The following SNX29 variants were observed in gnomAD, a reference collection of about 807,000 sequenced individuals.
SNX29 encodes the protein sorting nexin-29.
SNX29 carries 78 observed loss-of-function variants against 102.1 expected under a neutral mutation model. The observed-to-expected ratio is 0.76, with a 90% CI of 0.64 to 0.92. The LOEUF (loss-of-function observed/expected upper bound fraction) is 0.92, where lower values mean the gene tolerates loss of function less well. Ranked by LOEUF, SNX29 falls within the 40% of genes least tolerant of loss-of-function variation. The pLI is 0.00. For synonymous variants in SNX29, 580 were observed against 414.5 expected (o/e 1.40, Z -4.85); for missense variants, 1,280 against 1,061.7 (o/e 1.21, Z -2.86).
At chr16:12,505,050 A>G (rs1453434116) in intron 19 of SNX29, among the ~76,000 whole-genome samples, 1 of 152,226 alleles carries the variant, frequency 6.6e-6, no homozygotes, top group African/African-American at 2.4e-5. Context: ...CGGGACGATC[A>G]CTTGAGCTCA....
At chr16:12,111,252 C>G (rs892198970) in intron 11 of SNX29, among the ~76,000 whole-genome samples, 9 of 152,204 alleles carry the variant, frequency 5.9e-5, no homozygotes, top group Admixed American at 5.9e-4. Context: ...TCCACCCCTG[C>G]ACCAGTCAGC....
intron 13 of SNX29, among the ~76,000 whole-genome samples, chr16:12,147,312 C>T (rs781597403): frequency 3.3e-5 from 5 of 152,150 alleles, no homozygotes; most frequent in Admixed American, 6.5e-5. Context: ...CATCGCTTTC[C>T]CCCATCAAAG....
chr16:12,552,623 C>T (rs1204572099), intron 20 of SNX29, among the ~76,000 whole-genome samples: 1 of 151,640 alleles, frequency 6.6e-6, no homozygotes, highest in South Asian at 2.1e-4. Context: ...AAAGCAAAAA[C>T]CAAACACCAA....
intron 16 of SNX29, among the ~76,000 whole-genome samples, chr16:12,379,795 G>A (rs1202243965): frequency 6.6e-6 from 1 of 152,130 alleles, no homozygotes; most frequent in African/African-American, 2.4e-5. Context: ...TGAGGGTTTT[G>A]GTGATTGGCT....
intron 14 of SNX29, among the ~76,000 whole-genome samples, chr16:12,234,750 T>C (rs2077873637): frequency 6.6e-6 from 1 of 152,224 alleles, no homozygotes; most frequent in Non-Finnish European, 1.5e-5. Flanking sequence ...TCATTCCCTC[T>C]CTGGACTTAG....
At chr16:12,359,885 G>A in intron 16 of SNX29, among the ~76,000 whole-genome samples, 1 of 152,104 alleles carries the variant, frequency 6.6e-6, no homozygotes, top group East Asian at 1.9e-4. Context: ...GTGCAGTGGT[G>A]CGATCTCAGC....
At chr16:12,243,582 C>G (rs544912120) in intron 14 of SNX29, among the ~76,000 whole-genome samples, 3 of 152,298 alleles carry the variant, frequency 2.0e-5, no homozygotes, top group Non-Finnish European at 4.4e-5. Context: ...GGACCTGTTT[C>G]ATGGAAGACA....
chr16:12,501,636 C>T (rs2089127640), intron 19 of SNX29, among the ~76,000 whole-genome samples: 1 of 143,182 alleles, frequency 7.0e-6, no homozygotes, highest in African/African-American at 2.6e-5. Context: ...GCAGGAGAAT[C>T]ACTTGAACCC....
chr16:12,136,055 C>A (rs893419148), intron 13 of SNX29, among the ~76,000 whole-genome samples: 3 of 152,226 alleles, frequency 2.0e-5, no homozygotes, highest in African/African-American at 4.8e-5. Context: ...CTGCAGACTT[C>A]GCTTCTTGTG....
chr16:12,426,197 A>T (rs762505443), intron 18 of SNX29, among the ~76,000 whole-genome samples: 7 of 152,154 alleles, frequency 4.6e-5, no homozygotes, highest in Non-Finnish European at 4.4e-5. Context: ...AGCTTACAAC[A>T]GTAAGTTTAT....
intron 18 of SNX29, among the ~76,000 whole-genome samples, chr16:12,459,180 C>G (rs546897287): frequency 4.4e-4 from 66 of 149,016 alleles, no homozygotes; most frequent in African/African-American, 1.5e-3. Flanking sequence ...ATCCTCCTAC[C>G]CGCCTTTTCC....
At position 12,098,100 on chromosome 16, in the gene SNX29, C is replaced by T. The variant is rs2052846879; in HGVS notation, c.1402+19185C>T. 6.6e-6 allele frequency among the ~76,000 whole-genome samples: 1 copy of T among 152,250 alleles called. No individual in the cohort carries two copies. The highest frequency in any genetic ancestry group is 2.4e-5 in the African/African-American group (1 of 41,470). ...ATGTGCAGTGCCCGCACACGCTGGG[C>T]CCAGAGGACGCTCAGTACGTGGCCG... On this transcript the variant is annotated intron_variant, in intron 11 of 20. Transcript: ENST00000566228. The surrounding 1 kb of genome is among the most constrained non-coding windows in gnomAD (Gnocchi z 6.0).
chr16:12,256,181 A>G (rs1478922339), intron 14 of SNX29, among the ~76,000 whole-genome samples: 1 of 152,178 alleles, frequency 6.6e-6, no homozygotes, highest in Non-Finnish European at 1.5e-5. Flanking sequence ...TCCTTGAGAA[A>G]TGTCTATTTG....
intron 18 of SNX29, among the ~76,000 whole-genome samples, chr16:12,467,225 C>T (rs1480026840): frequency 6.6e-6 from 1 of 152,190 alleles, no homozygotes; most frequent in Non-Finnish European, 1.5e-5. Flanking sequence ...CAACCATGGT[C>T]CATGGCCAGT....
At chr16:12,169,892 C>T (rs549186572) in intron 13 of SNX29, among the ~76,000 whole-genome samples, 7 of 152,014 alleles carry the variant, frequency 4.6e-5, no homozygotes, top group Admixed American at 1.3e-4. Context: ...TATCCTGCCT[C>T]GGCCTCCCAA....
intron 20 of SNX29, among the ~76,000 whole-genome samples, chr16:12,556,881 C>A (rs3135018): frequency 0.19 from 28,250 of 148,662 alleles, 2,851 homozygotes; most frequent in East Asian, 0.43. Flanking sequence ...GAGATAGGGT[C>A]TCCGTCTGTC....
At chr16:12,481,513 GACAC>G (rs59650769) in intron 19 of SNX29, among the ~76,000 whole-genome samples, 9,173 of 125,548 alleles carry the variant, frequency 0.073, 584 homozygotes, top group East Asian at 0.31. Context: ...TATACATATA[GACAC>G]ACACACACAC....
intron 13 of SNX29, among the ~76,000 whole-genome samples, chr16:12,156,460 G>A (rs1366982764): frequency 6.6e-6 from 1 of 152,174 alleles, no homozygotes; most frequent in African/African-American, 2.4e-5. Flanking sequence ...CGTGAGCCTT[G>A]TTGGCCCAGC....
At chr16:12,377,531 G>A (rs2082920680) in intron 16 of SNX29, among the ~76,000 whole-genome samples, 2 of 152,210 alleles carry the variant, frequency 1.3e-5, no homozygotes, top group Non-Finnish European at 2.9e-5. Context: ...CAGGCTCCTG[G>A]AAAGAGAGAG....
Sources: gnomAD v4.1 joint callset for allele counts (sites outside exome capture counted in the v4.1 genomes callset) on GRCh38, gnomAD v4.1.1 for gene constraint, Gnocchi (gnomAD v3.1) non-coding constraint, MANE v1.5 for transcripts, NCBI Gene and HGNC (gene_info 2026-07-23, HGNC 2026-07-21) for gene names.